SPN: variants seen among roughly 807,000 people sequenced by gnomAD.
The protein encoded by SPN is leukosialin.
SPN carries 6 observed loss-of-function variants against 8.4 expected under a neutral mutation model. The ratio of observed to expected loss-of-function variants is 0.72; its 90% CI spans 0.39 to 1.42. SPN has a LOEUF of 1.42. SPN is among the 40% of genes most tolerant of loss of function. SPN has a pLI of 0.02. For synonymous variants in SPN, 201 were observed against 222.6 expected, an observed-to-expected ratio of 0.90 and a Z score of 0.86; for missense variants, 517 against 530.6, an observed-to-expected ratio of 0.97 and a Z score of 0.25.
rs1555490193 is a variant in SPN at position 29,666,560 on chromosome 16, G to GCGCGCA, written c.*1634_*1635insACGCGC. The GCGCGCA allele has an allele frequency of 2.1e-4, 46 of 220,280 alleles. No individual in the cohort carries two copies. The highest frequency in any genetic ancestry group is 3.1e-4 in the Non-Finnish European group (33 of 106,188). 13.6% of individuals were successfully genotyped at this position (220,280 alleles called of 1,614,324 possible). ...CACACACACACACACACACGCGCGC[G>GCGCGCA]CGCGCGCGCTCTCCTGCGAACAGAG... On this transcript the variant is annotated 3_prime_UTR_variant, in exon 2 of 2. Transcript: ENST00000652691.
rs1966768379 is a variant in SPN, at chr16:29,663,947, G to A, written c.219G>A (p.Glu73=). 1 of 1,614,080 alleles carries A rather than the reference G, an allele frequency of 6.2e-7. No homozygotes were observed. Among genetic ancestry groups the A allele is most frequent in the Non-Finnish European group, 8.5e-7 (1 of 1,179,992 alleles). Residue 73 remains glutamate, a synonymous_variant, in exon 2 of 2, where the codon GAG becomes GAA. Transcript: ENST00000652691. This position sits in a 1 kb window ranked among gnomAD's most constrained non-coding sequence, Gnocchi z 4.3. ...SALPPSTSIN[E]GSPLWTSIGA... is the part of the protein sequence containing the mutation. ...TACCTCCCTCAACTTCCATCAATGA[G>A]GGATCCCCTCTTTGGACTTCCATTG... is the stretch of plus-strand genomic sequence containing the variant.
rs1966817417 is a variant in SPN at position 29,666,552 on chromosome 16, A to ACGCACGCGCGCG, written c.*1624_*1625insACGCGCGCGCGC. 7.1e-6 allele frequency: 1 copy of ACGCACGCGCGCG among 141,258 alleles called. No homozygotes were observed. The highest frequency in any genetic ancestry group is 8.4e-5 in the Admixed American group (1 of 11,932). 8.8% of individuals were successfully genotyped at this position (141,258 alleles called of 1,614,324 possible). ...CACACACACACACACACACACACAC[A>ACGCACGCGCGCG]CGCGCGCGCGCGCGCGCTCTCCTGC... is the stretch of plus-strand genomic sequence containing the variant. On this transcript the variant is annotated 3_prime_UTR_variant, in exon 2 of 2. Coordinates refer to ENST00000652691, the MANE Select transcript of SPN (RefSeq NM_003123.6).
In SPN at chr16:29,664,631, C is replaced by A; in HGVS notation, c.903C>A (p.Asp301Glu). ...SRGGKRNGVV[D>E]AWAGPAQVPE... is the part of the protein sequence containing the mutation. ...GCGGCAAGCGTAACGGGGTGGTGGA[C>A]GCCTGGGCTGGGCCAGCCCAGGTCC... is the stretch of plus-strand genomic sequence containing the variant. The change falls in exon 2 of 2, where the codon GAC becomes GAA. Residue 301 changes from aspartate (D) to glutamate (E), a missense_variant. Physicochemically the swap from Asp to Glu is conservative, Grantham distance 45. Coordinates refer to ENST00000652691, the MANE Select transcript of SPN (RefSeq NM_003123.6). The surrounding 1 kb of genome is among the most constrained non-coding windows in gnomAD (Gnocchi z 6.4). 1 of 1,580,626 alleles carries A rather than the reference C, an allele frequency of 6.3e-7. No individual in the cohort carries two copies.
rs71962532 is a variant in SPN, at chr16:29,669,876, C to CAA, written c.*4956_*4957dup. 3.5e-3 allele frequency: 531 copies of CAA among 149,866 alleles called. 14 individuals carry two copies. Among genetic ancestry groups the CAA allele is most frequent in the Admixed American group, 3.5e-3 (48 of 13,542 alleles). 9.3% of individuals were successfully genotyped at this position (149,866 alleles called of 1,614,324 possible). ...GGGCGACAAGTAAAAAACTCCATCT[C>CAA]AAAAAAAAAAAAGGAGATAGAGCAA... On this transcript the variant is annotated 3_prime_UTR_variant, in exon 2 of 2. Coordinates refer to ENST00000652691, the MANE Select transcript of SPN (RefSeq NM_003123.6).
rs1383753424 is a variant in SPN, at chr16:29,668,328, T to G, written c.*3397T>G. 1 of 152,330 alleles carries G rather than the reference T, an allele frequency of 6.6e-6. No homozygotes were observed. The allele number at this position is 152,330 out of a possible 1,614,324, so 9.4% of individuals were successfully genotyped here. ...CCTCAGCCTCCCAAAATGCTGGGAC[T>G]ATAGGCATGAGCCACTGCACCCAGC... On this transcript the variant is annotated 3_prime_UTR_variant, in exon 2 of 2. Transcript: ENST00000652691.
rs966559387 is a variant in SPN, at chr16:29,666,686, C to T, written c.*1755C>T. The T allele has an allele frequency of 2.9e-6, 1 of 341,838 alleles. No individual in the cohort carries two copies. Among genetic ancestry groups the T allele is most frequent in the South Asian group, 2.5e-5 (1 of 40,720 alleles). The allele number at this position is 341,838 out of a possible 1,614,324, so 21.2% of individuals were successfully genotyped here. On this transcript the variant is annotated 3_prime_UTR_variant, in exon 2 of 2. Coordinates refer to ENST00000652691, the MANE Select transcript of SPN (RefSeq NM_003123.6). ...AGTTTGTCTGTGTCTCCTCTTCCAT[C>T]CCAGGGGCTGAGCCCCTTCCATCCT...
rs935106152 is a variant in SPN, at chr16:29,669,643, G to A, written c.*4712G>A. On this transcript the variant is annotated 3_prime_UTR_variant, in exon 2 of 2. Transcript: ENST00000652691. ...GTCTGTAATCCCAGCACTTTGGGAGGCCGAGGCAGGTGGATCACCTGAGGT... is the reference window on the plus strand; with the variant it reads ...GTCTGTAATCCCAGCACTTTGGGAGACCGAGGCAGGTGGATCACCTGAGGT... 6.5e-6 allele frequency: 1 copy of A among 154,626 alleles called. No homozygotes were observed. Among genetic ancestry groups the A allele is most frequent in the Non-Finnish European group, 1.5e-5 (1 of 67,754 alleles). The allele number at this position is 154,626 out of a possible 1,614,324, so 9.6% of individuals were successfully genotyped here.
rs1555490318 is a variant in SPN, at chr16:29,667,946, C to CTGTGTGTGTATGTGTGCACATG, written c.*3022_*3043dup. On this transcript the variant is annotated 3_prime_UTR_variant, in exon 2 of 2. Coordinates refer to ENST00000652691, the MANE Select transcript of SPN (RefSeq NM_003123.6). ...CGTGCATGTGCGTGCGTGCATGTGCCTGTGTGTGTATGTGTGCACATGTGT... is the reference window on the plus strand; with the variant it reads ...CGTGCATGTGCGTGCGTGCATGTGCCTGTGTGTGTATGTGTGCACATGTGTGTGTGTATGTGTGCACATGTGT... The CTGTGTGTGTATGTGTGCACATG allele has an allele frequency of 3.0e-5, 5 of 166,048 alleles. No homozygotes were observed. The highest frequency in any genetic ancestry group is 7.3e-5 in the Non-Finnish European group (5 of 68,146). 10.3% of individuals were successfully genotyped at this position (166,048 alleles called of 1,614,324 possible). A position where few individuals can be genotyped will look rare whatever the true frequency, so the allele number is the denominator to read the frequency against.
Position 29,666,543 on chromosome 16 carries a change from C to CAT in SPN, c.*1613_*1614insTA. On this transcript the variant is annotated 3_prime_UTR_variant, in exon 2 of 2. Coordinates refer to ENST00000652691, the MANE Select transcript of SPN (RefSeq NM_003123.6). ...TCTCTCTCACACACACACACACACA[C>CAT]ACACACACACGCGCGCGCGCGCGCG... is the stretch of plus-strand genomic sequence containing the variant. 5.0e-6 allele frequency: 1 copy of CAT among 200,964 alleles called. No individual in the cohort carries two copies. Among genetic ancestry groups the CAT allele is most frequent in the Non-Finnish European group, 1.1e-5 (1 of 94,226 alleles). 12.4% of individuals were successfully genotyped at this position (200,964 alleles called of 1,614,324 possible). A position where few individuals can be genotyped will look rare whatever the true frequency, so the allele number is the denominator to read the frequency against.
rs753268492 is a variant in SPN at position 29,664,965 on chromosome 16, C to A, written c.*34C>A. On this transcript the variant is annotated 3_prime_UTR_variant, in exon 2 of 2. Transcript: ENST00000652691. The surrounding 1 kb of genome is among the most constrained non-coding windows in gnomAD (Gnocchi z 6.4). ...GAATAGTGAGGCTGGAGGCCGGAAT[C>A]TCAGCCAGCCTCCAGCACCTTCCCT... 2.2e-6 allele frequency: 3 copies of A among 1,349,322 alleles called. No homozygotes were observed. In the South Asian group the frequency reaches 7.8e-5, roughly 35 times the overall value. 83.6% of individuals were successfully genotyped at this position (1,349,322 alleles called of 1,614,324 possible). A position where few individuals can be genotyped will look rare whatever the true frequency, so the allele number is the denominator to read the frequency against.
rs1444261050 is a variant in SPN, at chr16:29,665,665, A to T, written c.*734A>T. 7.2e-5 allele frequency: 12 copies of T among 167,100 alleles called. No homozygotes were observed. The Admixed American group carries it at 7.9e-4, about 11-fold the overall frequency. The allele number at this position is 167,100 out of a possible 1,614,324, so 10.4% of individuals were successfully genotyped here. ...CTGGGTTGACCAGAGTCTGGGAAGA[A>T]GGACAAGAGAACCCGGCAAACTCCC... On this transcript the variant is annotated 3_prime_UTR_variant, in exon 2 of 2. Transcript: ENST00000652691.
Position 29,669,287 on chromosome 16 carries a change from C to T in SPN, c.*4356C>T, listed in dbSNP as rs911361914. On this transcript the variant is annotated 3_prime_UTR_variant, in exon 2 of 2. Transcript: ENST00000652691. ...CGTGATCTTGGCTCACCAGAACCTC[C>T]GCCTCCTGGGTTCAAACAATTCTCC... is the stretch of plus-strand genomic sequence containing the variant. 27 of 165,990 alleles carry T rather than the reference C, an allele frequency of 1.6e-4. No individual in the cohort carries two copies. Among genetic ancestry groups the T allele is most frequent in the African/African-American group, 1.9e-4 (8 of 41,144 alleles). 10.3% of individuals were successfully genotyped at this position (165,990 alleles called of 1,614,324 possible).
rs138362780 is a variant in SPN at position 29,666,502 on chromosome 16, G to GCTCT, written c.*1591_*1594dup. On this transcript the variant is annotated 3_prime_UTR_variant, in exon 2 of 2. Transcript: ENST00000652691. The stretch of plus-strand genomic sequence containing the variant: ...ATTTCTGCAGTACACATGCATGTGC[G>GCTCT]CTCTCTCTCTCTCTCTCTCTCTCAC... The GCTCT allele has an allele frequency of 9.5e-5, 15 of 157,884 alleles. No individual in the cohort carries two copies. Among genetic ancestry groups the GCTCT allele is most frequent in the South Asian group, 4.1e-4 (2 of 4,862 alleles). The allele number at this position is 157,884 out of a possible 1,614,324, so 9.8% of individuals were successfully genotyped here.
rs1966796036 is a variant in SPN, at chr16:29,665,325, A to G, written c.*394A>G. Reference sequence around the variant, plus strand: ...CCTGCCTCAGCCTCCCAAAGTGCTGAGATTACAGACATGAGCCTCCGCGCC... The same window carrying G: ...CCTGCCTCAGCCTCCCAAAGTGCTGGGATTACAGACATGAGCCTCCGCGCC... On this transcript the variant is annotated 3_prime_UTR_variant, in exon 2 of 2. Transcript: ENST00000652691. The G allele has an allele frequency of 5.8e-6, 1 of 171,162 alleles. No homozygotes were observed. Among genetic ancestry groups the G allele is most frequent in the Non-Finnish European group, 1.4e-5 (1 of 71,670 alleles). The allele number at this position is 171,162 out of a possible 1,614,324, so 10.6% of individuals were successfully genotyped here. A position where few individuals can be genotyped will look rare whatever the true frequency, so the allele number is the denominator to read the frequency against.
At position 29,666,373 on chromosome 16, in the gene SPN, A is replaced by AAAAAG. The variant is rs888527981; in HGVS notation, c.*1452_*1456dup. The stretch of plus-strand genomic sequence containing the variant: ...GGCAACAGAGTGAGCCCCTGTCTCA[A>AAAAAG]AAAAGAAAAGAAAAAGAAAGCCAGG... On this transcript the variant is annotated 3_prime_UTR_variant, in exon 2 of 2. Coordinates refer to ENST00000652691, the MANE Select transcript of SPN (RefSeq NM_003123.6). The AAAAAG allele has an allele frequency of 6.0e-6, 1 of 167,264 alleles. No individual in the cohort carries two copies. The highest frequency in any genetic ancestry group is 6.5e-5 in the Admixed American group (1 of 15,280). 10.4% of individuals were successfully genotyped at this position (167,264 alleles called of 1,614,324 possible).
rs1966847711 is a variant in SPN at position 29,670,576 on chromosome 16, C to G, written c.*5645C>G. 3.4e-6 allele frequency: 1 copy of G among 298,288 alleles called. No homozygotes were observed. Among genetic ancestry groups the G allele is most frequent in the South Asian group, 2.8e-5 (1 of 35,332 alleles). The allele number at this position is 298,288 out of a possible 1,614,324, so 18.5% of individuals were successfully genotyped here. The stretch of plus-strand genomic sequence containing the variant: ...AAATAATTGTAAATGGCTTATTGAA[C>G]TTATAGTCAGTAAAAATCATGTTTT... On this transcript the variant is annotated 3_prime_UTR_variant, in exon 2 of 2. Transcript: ENST00000652691.
At position 29,666,542 on chromosome 16, in the gene SPN, ACACACACACACGCGCG is replaced by A. The variant is rs1966814658; in HGVS notation, c.*1613_*1628del. On this transcript the variant is annotated 3_prime_UTR_variant, in exon 2 of 2. Transcript: ENST00000652691. ...CTCTCTCTCACACACACACACACACACACACACACACGCGCGCGCGCGCGCGCTCTCCTGCGAACAG... is the reference window on the plus strand; with the variant it reads ...CTCTCTCTCACACACACACACACACACGCGCGCGCGCTCTCCTGCGAACAG... The A allele has an allele frequency of 5.1e-6, 1 of 194,436 alleles. No homozygotes were observed. The highest frequency in any genetic ancestry group is 6.9e-5 in the Admixed American group (1 of 14,522). 12.0% of individuals were successfully genotyped at this position (194,436 alleles called of 1,614,324 possible).
chr16:29,664,206 A>T lies in SPN; in HGVS notation c.478A>T (p.Thr160Ser). 6.2e-7 allele frequency: 1 copy of T among 1,612,442 alleles called. No individual in the cohort carries two copies. Among genetic ancestry groups the T allele is most frequent in the Non-Finnish European group, 8.5e-7 (1 of 1,179,552 alleles). The change falls in exon 2 of 2, where the codon ACC becomes TCC. Residue 160 changes from threonine (T) to serine (S), a missense_variant. Coordinates refer to ENST00000652691, the MANE Select transcript of SPN (RefSeq NM_003123.6). The surrounding 1 kb of genome is among the most constrained non-coding windows in gnomAD (Gnocchi z 6.4). ...TACCACGGCAGCTAGCTCTCTGGAG[A>T]CCTCCAGAGGCACCTCTGGACCCCC... The part of the protein sequence containing the change: ...PVTTAASSLE[T>S]SRGTSGPPLT...
Position 29,663,925 on chromosome 16 carries a change from C to T in SPN, c.197C>T (p.Pro66Leu). 1 of 1,614,068 alleles carries T rather than the reference C, an allele frequency of 6.2e-7. No homozygotes were observed. ...ACTGGGGACCAGACCTCAGCCCTAC[C>T]TCCCTCAACTTCCATCAATGAGGGA... ...DSTGDQTSAL[P>L]PSTSINEGSP... Residue 66 changes from proline (P) to leucine (L), a missense_variant, in exon 2 of 2, where the codon CCT becomes CTT. Transcript: ENST00000652691. This position sits in a 1 kb window ranked among gnomAD's most constrained non-coding sequence, Gnocchi z 4.3.
Sources: gnomAD v4.1 joint callset for allele counts on GRCh38, gnomAD v4.1.1 for gene constraint, Gnocchi (gnomAD v3.1) non-coding constraint, MANE v1.5 for transcripts, NCBI Gene and HGNC (gene_info 2026-07-23, HGNC 2026-07-21) for gene names.